Variants in RELN observed in about 807,000 individuals in gnomAD.
RELN encodes reelin.
A neutral mutation model predicts 427.6 loss-of-function variants in RELN; 108 were observed. That is an observed-to-expected ratio of 0.25 (90% CI 0.22 to 0.30). The LOEUF is 0.30. Ranked by LOEUF, RELN falls within the 10% of genes least tolerant of loss-of-function variation. The probability of loss-of-function intolerance (pLI) is 1.00; values close to 1 mark genes in which losing one functional copy is unlikely to be tolerated. For missense variants in RELN, 3,715 were observed against 4,302.8 expected, an observed-to-expected ratio of 0.86 and a Z score of 3.82; for synonymous variants, 1,524 against 1,513.4, an observed-to-expected ratio of 1.01 and a Z score of -0.16.
At chr7:103,884,803 G>A (rs1794686120) in intron 2 of RELN, among the ~76,000 whole-genome samples, 1 of 152,142 alleles carries the variant, frequency 6.6e-6, no homozygotes, top group Non-Finnish European at 1.5e-5. Flanking sequence ...GAGAGGATGT[G>A]GAGGAATAGG....
At chr7:103,496,833 A>G in intron 55 of RELN, 65 bp from the exon 56 acceptor site, 1 of 1,567,458 alleles carries the variant, frequency 6.4e-7, no homozygotes, top group Non-Finnish European at 8.7e-7. Flanking sequence ...ATAAACCACC[A>G]GTATACTTCA....
At chr7:103,847,934 G>A (rs939315297) in intron 2 of RELN, among the ~76,000 whole-genome samples, 7 of 151,590 alleles carry the variant, frequency 4.6e-5, no homozygotes, top group South Asian at 2.1e-4. Context: ...GCATGTTGCC[G>A]TTAGTTTCAT....
intron 3 of RELN, among the ~76,000 whole-genome samples, chr7:103,808,595 C>A (rs1416449791): frequency 6.7e-6 from 1 of 150,106 alleles, no homozygotes; most frequent in Non-Finnish European, 1.5e-5. Context: ...TACAGTGATA[C>A]AAAGAAAAAA....
At chr7:103,800,719 A>C (rs1448418414) in intron 3 of RELN, among the ~76,000 whole-genome samples, 1 of 152,230 alleles carries the variant, frequency 6.6e-6, no homozygotes, top group Non-Finnish European at 1.5e-5. Flanking sequence ...CAAAAGCCAA[A>C]ATTGACAAAT....
chr7:103,854,670 A>G (rs1365872049), intron 2 of RELN, among the ~76,000 whole-genome samples: 1 of 152,196 alleles, frequency 6.6e-6, no homozygotes, highest in Non-Finnish European at 1.5e-5. Flanking sequence ...GATACCAAGT[A>G]TAACAGTGAT....
intron 61 of RELN, among the ~76,000 whole-genome samples, chr7:103,485,061 T>G (rs1729462435): frequency 6.6e-6 from 1 of 152,010 alleles, no homozygotes; most frequent in Admixed American, 6.6e-5. Context: ...AGTACCTAAT[T>G]TAAAGTAGGT....
In RELN at chr7:103,561,151, GA is replaced by G. The variant is rs934795873; in HGVS notation, c.5529+380del. ...AAGTCACCAAATGGTTCTATTGGCAGAAAAAAAAAGAAAAGGAAAATTAAAG... is the reference window on the plus strand; with the variant it reads ...AAGTCACCAAATGGTTCTATTGGCAGAAAAAAAAGAAAAGGAAAATTAAAG... On this transcript the variant is annotated intron_variant, in intron 36 of 64. Transcript: ENST00000428762. 4.1e-5 allele frequency among the ~76,000 whole-genome samples: 6 copies of G among 147,296 alleles called. No homozygotes were observed. The East Asian group carries it at 7.9e-4, about 19-fold the overall frequency.
At chr7:103,896,202 T>A (rs1264190396) in intron 2 of RELN, among the ~76,000 whole-genome samples, 2 of 152,072 alleles carry the variant, frequency 1.3e-5, no homozygotes, top group African/African-American at 4.8e-5. Flanking sequence ...CGCAGAGCAA[T>A]TGCAACTCTA....
chr7:103,752,062 T>C (rs543009440), intron 5 of RELN, among the ~76,000 whole-genome samples: 5 of 152,352 alleles, frequency 3.3e-5, no homozygotes, highest in Admixed American at 2.0e-4. Flanking sequence ...GTAAGCCTCA[T>C]TGGATACCTG....
intron 4 of RELN, among the ~76,000 whole-genome samples, chr7:103,776,271 T>C (rs546625045): frequency 6.6e-6 from 1 of 152,306 alleles, no homozygotes; most frequent in Non-Finnish European, 1.5e-5. Flanking sequence ...GTTTGTAGAA[T>C]TTAAAAATTA....
chr7:103,787,702 A>G (rs1584492784), intron 3 of RELN, among the ~76,000 whole-genome samples: 2 of 152,338 alleles, frequency 1.3e-5, no homozygotes, highest in East Asian at 3.9e-4. Flanking sequence ...ATAGCCTACC[A>G]ACCAAAAGAA....
intron 1 of RELN, among the ~76,000 whole-genome samples, chr7:103,932,116 G>A (rs1045890757): frequency 2.0e-5 from 3 of 152,106 alleles, no homozygotes; most frequent in Admixed American, 1.3e-4. Context: ...ATTCACAATA[G>A]CAAAGACATG....
chr7:103,889,355 A>G (rs1009723473), intron 2 of RELN, among the ~76,000 whole-genome samples: 2 of 152,224 alleles, frequency 1.3e-5, no homozygotes, highest in African/African-American at 2.4e-5. Flanking sequence ...CACTGACAAC[A>G]GAGGACAGAA....
intron 4 of RELN, among the ~76,000 whole-genome samples, chr7:103,765,352 T>C (rs1791403417): frequency 6.6e-6 from 1 of 152,210 alleles, no homozygotes; most frequent in Non-Finnish European, 1.5e-5. Context: ...AGTAAACCTG[T>C]ACTATAAGCT....
At chr7:103,631,859 A>G (rs1832475585) in intron 19 of RELN, among the ~76,000 whole-genome samples, 1 of 152,074 alleles carries the variant, frequency 6.6e-6, no homozygotes, top group Non-Finnish European at 1.5e-5. Context: ...TCAGTCATGG[A>G]TTTAATAATT....
chr7:103,476,762 T>C, intron 64 of RELN: 1 of 389,424 alleles, frequency 2.6e-6, no homozygotes, highest in Non-Finnish European at 5.3e-6. Flanking sequence ...GGGGAATTTT[T>C]AACATTTATC....
intron 2 of RELN, among the ~76,000 whole-genome samples, chr7:103,859,761 G>A (rs1269256163): frequency 2.6e-5 from 4 of 152,032 alleles, no homozygotes; most frequent in African/African-American, 9.7e-5. Context: ...AGAGTTCCAA[G>A]CCTAACTTTG....
At chr7:103,933,944 C>T (rs746428751) in intron 1 of RELN, among the ~76,000 whole-genome samples, 1 of 152,204 alleles carries the variant, frequency 6.6e-6, no homozygotes, top group Admixed American at 6.5e-5. Flanking sequence ...AACACAGATA[C>T]ACACGAAGGG....
chr7:103,498,492 A>G (rs1454983284), intron 53 of RELN, among the ~76,000 whole-genome samples: 5 of 123,320 alleles, frequency 4.1e-5, no homozygotes, highest in East Asian at 5.0e-4. Context: ...AAAGTTGACT[A>G]TATCAATTTT....
Sources: gnomAD v4.1 joint callset for allele counts (sites outside exome capture counted in the v4.1 genomes callset) on GRCh38, gnomAD v4.1.1 for gene constraint, MANE v1.5 for transcripts, NCBI Gene and HGNC (gene_info 2026-07-23, HGNC 2026-07-21) for gene names.